The following PSMA1 variants were observed in gnomAD, a reference collection of about 807,000 sequenced individuals.
PSMA1 encodes proteasome 20S subunit alpha 1.
A neutral mutation model predicts 38.4 loss-of-function variants in PSMA1; 3 were observed. That is an observed-to-expected ratio of 0.08 (90% confidence interval 0.04 to 0.20). PSMA1 has a LOEUF of 0.20. PSMA1 is among the 10% of genes least tolerant of loss of function. PSMA1 has a pLI of 1.00. For synonymous variants in PSMA1, 101 were observed against 107.1 expected, an observed-to-expected ratio of 0.94 and a Z score of 0.35; for missense variants, 227 against 325.3, an observed-to-expected ratio of 0.70 and a Z score of 2.32.
chr11:14,593,635 AG>A (rs1207480552), intron 2 of PSMA1, among the ~76,000 whole-genome samples: 2 of 151,034 alleles, frequency 1.3e-5, no homozygotes, highest in East Asian at 3.9e-4. Context: ...AGAGAGAGAG[AG>A]AGAGAGAGAG....
rs541873249 is a variant in PSMA1, at chr11:14,507,720, T to C, written c.671A>G (p.Tyr224Cys). ...IVGKDLEFTI[Y>C]DDDDVSPFLE... ...GAATGGAGACACATCATCATCATCA[T>C]AGATTGTAAACTCCAAGTCTTTACC... Residue 224 changes from tyrosine to cysteine, a missense_variant, in exon 9 of 10, where the codon TAT (tyrosine) becomes TGT (cysteine). Tyr to Cys is a radical substitution (Grantham distance 194, BLOSUM62 -2). Coordinates refer to ENST00000396394, the MANE Select transcript of PSMA1 (RefSeq NM_002786.4). The C allele has an allele frequency of 3.1e-6, 5 of 1,613,288 alleles. No homozygotes were observed. The highest frequency in any genetic ancestry group is 1.7e-4 in the Middle Eastern group (1 of 6,056).
intron 2 of PSMA1, among the ~76,000 whole-genome samples, chr11:14,596,349 CATG>C (rs1852493297): frequency 6.6e-6 from 1 of 152,184 alleles, no homozygotes; most frequent in Non-Finnish European, 1.5e-5. Context: ...TGGCCATTTT[CATG>C]ATATTGAGTC....
chr11:14,529,297 G>A (rs149708309), intron 2 of PSMA1, among the ~76,000 whole-genome samples: 20 of 152,126 alleles, frequency 1.3e-4, no homozygotes, highest in African/African-American at 4.3e-4. Context: ...ACAAATAGAT[G>A]TATAGGGTGC....
intron 2 of PSMA1, among the ~76,000 whole-genome samples, chr11:14,555,535 AAC>A (rs1186929495): frequency 2.0e-5 from 3 of 152,308 alleles, no homozygotes; most frequent in Non-Finnish European, 4.4e-5. Flanking sequence ...AACAAAAAGA[AAC>A]AGTATTTTGC....
At chr11:14,634,190 T>TC (rs762193139) in intron 1 of PSMA1, among the ~76,000 whole-genome samples, 11 of 151,644 alleles carry the variant, frequency 7.3e-5, no homozygotes, top group African/African-American at 2.2e-4. Context: ...CCCAAAATCA[T>TC]CCCCCCCGGT....
At chr11:14,525,360 G>T (rs921734192), upstream of PSMA1, among the ~76,000 whole-genome samples, 5 of 151,868 alleles carry the variant, frequency 3.3e-5, no homozygotes, top group Admixed American at 2.6e-4. Context: ...ACAAGTATAG[G>T]ACACCTCTAC....
intron 1 of PSMA1, among the ~76,000 whole-genome samples, chr11:14,614,030 CA>C (rs1389480382): frequency 6.6e-6 from 1 of 152,118 alleles, no homozygotes; most frequent in African/African-American, 2.4e-5. Flanking sequence ...ACAGTATTAT[CA>C]AATGTCTCAG....
chr11:14,506,225 C>A (rs1184880022), intron 9 of PSMA1, among the ~76,000 whole-genome samples: 4 of 152,116 alleles, frequency 2.6e-5, no homozygotes, highest in East Asian at 3.8e-4. Flanking sequence ...ACCTAAATAT[C>A]ATTGAACAAT....
intron 2 of PSMA1, among the ~76,000 whole-genome samples, chr11:14,530,066 G>C (rs1216551849): frequency 6.6e-6 from 1 of 152,176 alleles, no homozygotes; most frequent in African/African-American, 2.4e-5. Flanking sequence ...TACTTAATAA[G>C]TGCTACATTA....
chr11:14,626,711 G>A (rs572389615), intron 1 of PSMA1, among the ~76,000 whole-genome samples: 4 of 152,298 alleles, frequency 2.6e-5, no homozygotes, highest in Non-Finnish European at 4.4e-5. Flanking sequence ...AACAGAGCAC[G>A]TGAAAAGGCT....
At chr11:14,563,390 CAG>C (rs1300907976) in intron 2 of PSMA1, among the ~76,000 whole-genome samples, 2 of 152,168 alleles carry the variant, frequency 1.3e-5, no homozygotes, top group Admixed American at 6.5e-5. Context: ...TACGAATAAG[CAG>C]AGTTAATTGA....
intron 2 of PSMA1, among the ~76,000 whole-genome samples, chr11:14,580,004 A>G (rs956431033): frequency 7.2e-5 from 11 of 152,218 alleles, no homozygotes; most frequent in African/African-American, 1.7e-4. Context: ...GGAGGCCACA[A>G]ATTGGGTTGA....
chr11:14,535,076 G>GAAAAAC (rs1336664483), intron 2 of PSMA1, among the ~76,000 whole-genome samples: 2 of 150,846 alleles, frequency 1.3e-5, no homozygotes, highest in African/African-American at 4.9e-5. Flanking sequence ...TCCATCTCAG[G>GAAAAAC]AAAAACAAAA....
At chr11:14,518,190 C>T (rs1447741716) in intron 2 of PSMA1, among the ~76,000 whole-genome samples, 2 of 151,780 alleles carry the variant, frequency 1.3e-5, no homozygotes, top group South Asian at 2.1e-4. Flanking sequence ...CAACCTCTGC[C>T]TCCTAGGCTC....
At chr11:14,591,057 T>C (rs1456616491) in intron 2 of PSMA1, among the ~76,000 whole-genome samples, 1 of 152,116 alleles carries the variant, frequency 6.6e-6, no homozygotes, top group Non-Finnish European at 1.5e-5. Context: ...CAGCTTGCAG[T>C]GGAGGGAGAG....
chr11:14,509,485 C>T (rs78398913), intron 8 of PSMA1, among the ~76,000 whole-genome samples: 5,150 of 151,806 alleles, frequency 0.034, 153 homozygotes, highest in Middle Eastern at 0.085. Flanking sequence ...CTATCTACCC[C>T]TACAATCTGT....
intron 4 of PSMA1, among the ~76,000 whole-genome samples, chr11:14,515,566 T>C (rs1282788728): frequency 6.6e-6 from 1 of 151,974 alleles, no homozygotes; most frequent in Non-Finnish European, 1.5e-5. Flanking sequence ...TTTTTTTTTT[T>C]TTTTAATACT....
At chr11:14,573,195 C>G (rs1427763227) in intron 2 of PSMA1, among the ~76,000 whole-genome samples, 1 of 152,160 alleles carries the variant, frequency 6.6e-6, no homozygotes, top group Non-Finnish European at 1.5e-5. Context: ...CCAAGCCTGG[C>G]AGAGACACAA....
rs537719289 is a variant in PSMA1, at chr11:14,552,464, G to C, written c.22-33423C>G. Among the ~76,000 whole-genome samples the C allele has an allele frequency of 4.6e-5, 7 of 152,312 alleles. No individual in the cohort carries two copies. The South Asian group carries it at 1.4e-3, about 32-fold the overall frequency. On this transcript the variant is annotated intron_variant, in intron 2 of 10. Transcript: ENST00000418988. ...CACATCTGAAATTGCGGCTGAGATT[G>C]TCACACATAGTACATCAGTCCTGTG...
Sources: allele counts gnomAD v4.1 joint callset (sites outside exome capture counted in the v4.1 genomes callset), GRCh38; gene constraint gnomAD v4.1.1; transcripts MANE v1.5; gene names NCBI Gene and HGNC (gene_info 2026-07-23, HGNC 2026-07-21).